Variants in FHOD3 observed in about 807,000 individuals in gnomAD.
FHOD3 encodes formin homology 2 domain containing 3, also known as FH1/FH2 domain-containing protein 3.
A neutral mutation model predicts 173.0 loss-of-function variants in FHOD3; 90 were observed. The ratio of observed to expected loss-of-function variants is 0.52; its 90% CI spans 0.44 to 0.62. The LOEUF is 0.62. FHOD3 is among the 20% of genes least tolerant of loss of function. FHOD3 has a pLI of 0.00. For missense variants in FHOD3, 1,945 were observed against 2,034.7 expected, an observed-to-expected ratio of 0.96 and a Z score of 0.85; for synonymous variants, 828 against 823.0, an observed-to-expected ratio of 1.01 and a Z score of -0.10.
chr18:36,743,181 C>T (rs1179147733), intron 22 of FHOD3, among the ~76,000 whole-genome samples: 2 of 151,982 alleles, frequency 1.3e-5, no homozygotes, highest in African/African-American at 2.4e-5. Flanking sequence ...TGGCAGCACG[C>T]ACCTGTAGTT....
At chr18:36,752,969 A>G (rs776313110) in intron 24 of FHOD3, among the ~76,000 whole-genome samples, 4 of 152,184 alleles carry the variant, frequency 2.6e-5, no homozygotes, top group African/African-American at 4.8e-5. Flanking sequence ...CTAATATATA[A>G]TGTCAAGTGG....
At chr18:36,615,142 G>A (rs560315317) in intron 9 of FHOD3, among the ~76,000 whole-genome samples, 34 of 152,026 alleles carry the variant, frequency 2.2e-4, no homozygotes, top group Non-Finnish European at 3.4e-4. Context: ...GAGCCACCGC[G>A]CCCAGCCTTG....
intron 27 of FHOD3, among the ~76,000 whole-genome samples, chr18:36,766,675 A>T (rs1258552677): frequency 2.0e-5 from 3 of 152,222 alleles, no homozygotes; most frequent in African/African-American, 7.2e-5. Context: ...GAATGAAGTC[A>T]TCATAAAACT....
At chr18:36,647,052 C>A (rs2035736723) in intron 10 of FHOD3, among the ~76,000 whole-genome samples, 1 of 152,164 alleles carries the variant, frequency 6.6e-6, no homozygotes, top group Non-Finnish European at 1.5e-5. Flanking sequence ...GCCTGGCCAA[C>A]ATGATGAAAC....
intron 1 of FHOD3, among the ~76,000 whole-genome samples, chr18:36,315,064 G>A (rs941180322): frequency 6.6e-6 from 1 of 152,118 alleles, no homozygotes; most frequent in African/African-American, 2.4e-5. Flanking sequence ...TAAAGCATGG[G>A]CCTCGTCTCC....
At chr18:36,562,557 T>G (rs1599667583) in intron 5 of FHOD3, among the ~76,000 whole-genome samples, 1 of 152,218 alleles carries the variant, frequency 6.6e-6, no homozygotes, top group East Asian at 1.9e-4. Context: ...TCCAGCCATT[T>G]GGAGCCTGCT....
intron 3 of FHOD3, among the ~76,000 whole-genome samples, chr18:36,451,643 T>A (rs1442528672): frequency 6.6e-6 from 1 of 152,176 alleles, no homozygotes; most frequent in Non-Finnish European, 1.5e-5. Context: ...GGGTTCTGCA[T>A]ACCCGCAGTA....
intron 3 of FHOD3, among the ~76,000 whole-genome samples, chr18:36,415,646 T>C (rs1599027877): frequency 1.3e-5 from 2 of 152,364 alleles, no homozygotes; most frequent in South Asian, 4.1e-4. Context: ...GTAATCTATA[T>C]TTAGCAGAAA....
Position 36,717,879 on chromosome 18 carries a change from G to A in FHOD3, c.2581G>A (p.Gly861Ser). The A allele has an allele frequency of 6.2e-7, 1 of 1,610,220 alleles. No homozygotes were observed. Among genetic ancestry groups the A allele is most frequent in the Non-Finnish European group, 8.5e-7 (1 of 1,177,928 alleles). The change falls in exon 19 of 29, where the codon GGC becomes AGC. Residue 861 changes from glycine (G) to serine (S), a missense_variant. Gly to Ser is a moderately conservative substitution (Grantham distance 56). Transcript: ENST00000590592. ...VQDAGVNGQC[G>S]DILTNKRFML... Reference sequence around the variant, plus strand: ...GGATGCAGGTGTAAATGGACAGTGTGGCGACATCCTCACCAACAAACGGTT... The same window carrying A: ...GGATGCAGGTGTAAATGGACAGTGTAGCGACATCCTCACCAACAAACGGTT...
At chr18:36,735,166 G>A (rs1482933998) in intron 20 of FHOD3, among the ~76,000 whole-genome samples, 5 of 152,088 alleles carry the variant, frequency 3.3e-5, no homozygotes, top group Non-Finnish European at 7.4e-5. Context: ...GTCCCAAACA[G>A]CTTGGCCCAA....
chr18:36,320,795 T>G (rs2044355376), intron 1 of FHOD3, among the ~76,000 whole-genome samples: 1 of 152,250 alleles, frequency 6.6e-6, no homozygotes, highest in Non-Finnish European at 1.5e-5. Flanking sequence ...TGTTTATTTT[T>G]TTGTTCACTC....
intron 19 of FHOD3, among the ~76,000 whole-genome samples, chr18:36,730,166 A>G (rs2041282437): frequency 6.6e-6 from 1 of 152,186 alleles, no homozygotes; most frequent in South Asian, 2.1e-4. Flanking sequence ...GTACAGCTGT[A>G]GATCTGGAGG....
chr18:36,610,826 G>T (rs1410776333), intron 8 of FHOD3, among the ~76,000 whole-genome samples: 1 of 152,216 alleles, frequency 6.6e-6, no homozygotes, highest in African/African-American at 2.4e-5. Flanking sequence ...GAAATGCAAA[G>T]ATAGTGAAGT....
At chr18:36,350,180 T>C (rs2046056347) in intron 1 of FHOD3, among the ~76,000 whole-genome samples, 1 of 152,184 alleles carries the variant, frequency 6.6e-6, no homozygotes. Flanking sequence ...TCTTTCTATG[T>C]CTCCAGAGAA....
rs923516800 is a variant in FHOD3 at position 36,360,838 on chromosome 18, C to T, written c.272+5193C>T. ...GAAGGAATGAAAGCAATTTCTTCTT[C>T]TTATGATATAATACAAAAATTAACC... On this transcript the variant is annotated intron_variant, in intron 2 of 28. Transcript: ENST00000590592. Among the ~76,000 whole-genome samples, 2 of 152,168 alleles carry T rather than the reference C, an allele frequency of 1.3e-5. 1 individual carries two copies. Among genetic ancestry groups the T allele is most frequent in the South Asian group, 4.1e-4 (2 of 4,832 alleles).
chr18:36,502,061 A>T lies in FHOD3; in HGVS notation c.405+62A>T. The T allele has an allele frequency of 2.7e-6, 3 of 1,114,032 alleles. No homozygotes were observed. The South Asian group carries it at 4.4e-5, about 16-fold the overall frequency. The allele number at this position is 1,114,032 out of a possible 1,614,324, so 69.0% of individuals were successfully genotyped here. ...CATTGCTGTGAAATTAGATACAGGCAAGCTTCTACCTGTACTTGTTATGAA... is the reference window on the plus strand; with the variant it reads ...CATTGCTGTGAAATTAGATACAGGCTAGCTTCTACCTGTACTTGTTATGAA... On this transcript the variant is annotated intron_variant, in intron 4 of 28. Coordinates refer to ENST00000590592, the MANE Select transcript of FHOD3 (RefSeq NM_001281740.3).
intron 15 of FHOD3, among the ~76,000 whole-genome samples, chr18:36,684,162 A>G (rs542490847): frequency 1.4e-4 from 22 of 152,354 alleles, no homozygotes; most frequent in Non-Finnish European, 1.3e-4. Flanking sequence ...ATTGGAACCA[A>G]TGTCTGAAGG....
chr18:36,322,991 C>T (rs2044480312), intron 1 of FHOD3, among the ~76,000 whole-genome samples: 1 of 152,192 alleles, frequency 6.6e-6, no homozygotes, highest in Non-Finnish European at 1.5e-5. Context: ...TTTTATGCAG[C>T]ATAACAGCTC....
intron 1 of FHOD3, among the ~76,000 whole-genome samples, chr18:36,341,335 C>G (rs1249766115): frequency 6.6e-6 from 1 of 152,124 alleles, no homozygotes. Flanking sequence ...CTACCCAGAA[C>G]AGTGGAGAAG....
Sources: allele counts gnomAD v4.1 joint callset (sites outside exome capture counted in the v4.1 genomes callset), GRCh38; gene constraint gnomAD v4.1.1; transcripts MANE v1.5; gene names NCBI Gene and HGNC (gene_info 2026-07-23, HGNC 2026-07-21).